Variants in TLE5 observed in about 807,000 individuals in gnomAD.
The protein encoded by TLE5 is TLE family member 5, transcriptional modulator.
Under a neutral mutation model 25.8 loss-of-function variants are expected in TLE5, and 7 were observed. The observed-to-expected ratio is 0.27, with a 90% CI of 0.15 to 0.51. TLE5 has a LOEUF of 0.51. Ranked by LOEUF, TLE5 falls within the 20% of genes least tolerant of loss-of-function variation. TLE5 has a pLI of 0.97. For missense variants in TLE5, 149 were observed against 250.7 expected, an observed-to-expected ratio of 0.59 and a Z score of 2.74; for synonymous variants, 132 against 110.5, an observed-to-expected ratio of 1.20 and a Z score of -1.22.
intron 3 of TLE5, 110 bp downstream of exon 3, chr19:3,057,569 T>G: frequency 9.3e-7 from 1 of 1,072,010 alleles, no homozygotes; most frequent in South Asian, 1.3e-5. Flanking sequence ...ATCCTCGCGC[T>G]TCCCAGGGGA....
chr19:3,056,186 C>T lies in TLE5; in HGVS notation c.234+126G>A, dbSNP rs578018835. 46 of 578,170 alleles carry T rather than the reference C, an allele frequency of 8.0e-5. No homozygotes were observed. In the Admixed American group the frequency reaches 1.3e-3, roughly 16 times the overall value. The allele number at this position is 578,170 out of a possible 1,614,324, so 35.8% of individuals were successfully genotyped here. A position where few individuals can be genotyped will look rare whatever the true frequency, so the allele number is the denominator to read the frequency against. The stretch of plus-strand genomic sequence containing the variant: ...AGGGCTTAGGAGGTAACAGGATAAC[C>T]GGGCTGGCTTGGTGCCCAGCCGAGG... On this transcript the variant is annotated intron_variant, in intron 4 of 6. Transcript: ENST00000327141.
At chr19:3,058,379 C>T (rs944162629) in intron 2 of TLE5, among the ~76,000 whole-genome samples, 1 of 152,136 alleles carries the variant, frequency 6.6e-6, no homozygotes, top group Non-Finnish European at 1.5e-5. Flanking sequence ...CAAGGTCACA[C>T]AGCCAAGCAG....
intron 6 of TLE5, 34 bp downstream of exon 6, chr19:3,054,086 T>TGGGGGGGGGGGCG: frequency 1.3e-6 from 2 of 1,512,790 alleles, no homozygotes; most frequent in Non-Finnish European, 1.8e-6. Flanking sequence ...GGCCCACCTG[T>TGGGGGGGGGGGCG]CCCCCGCCCA....
intron 1 of TLE5, 140 bp from the exon 2 acceptor site, chr19:3,061,397 G>C: frequency 1.8e-6 from 1 of 550,914 alleles, no homozygotes; most frequent in Non-Finnish European, 3.1e-6. Context: ...GGCCCCTGGC[G>C]CGACCCCACC....
chr19:3,059,359 C>T (rs922532573), intron 2 of TLE5, among the ~76,000 whole-genome samples: 2 of 151,772 alleles, frequency 1.3e-5, no homozygotes, highest in African/African-American at 2.4e-5. Flanking sequence ...CCGTCTCTAC[C>T]GAAAATACAA....
At chr19:3,060,324 C>CT (rs1475090039) in intron 2 of TLE5, among the ~76,000 whole-genome samples, 1 of 118,074 alleles carries the variant, frequency 8.5e-6, no homozygotes, top group Non-Finnish European at 1.7e-5. Context: ...TTCTTTTTTT[C>CT]TTTCTTTTTT....
At chr19:3,056,102 A>T (rs1211827355) in intron 4 of TLE5, 2 of 467,876 alleles carry the variant, frequency 4.3e-6, no homozygotes, top group Non-Finnish European at 7.4e-6. Context: ...CGGGAGAAAC[A>T]CTCCCAGGGA....
upstream of TLE5, chr19:3,062,796 A>T: frequency 6.5e-7 from 1 of 1,550,122 alleles, no homozygotes; most frequent in Non-Finnish European, 8.7e-7. Context: ...CACGACCTGG[A>T]CGCGTGCCAC....
At chr19:3,055,761 G>A in intron 4 of TLE5, 35 bp from the exon 5 acceptor site, 1 of 1,574,542 alleles carries the variant, frequency 6.4e-7, no homozygotes, top group Non-Finnish European at 8.6e-7. Context: ...TTCAGTCCTG[G>A]GCGGGTGGCA....
At chr19:3,057,356 CCACGT>C (rs978246391) in intron 3 of TLE5, 30 of 375,306 alleles carry the variant, frequency 8.0e-5, no homozygotes, top group East Asian at 1.7e-4. Flanking sequence ...GGCTGCTCCC[CCACGT>C]CAGTTCCTGG....
At chr19:3,054,086 T>TCCGGGGGGGCCCCCC in intron 6 of TLE5, 34 bp downstream of exon 6, 1 of 1,512,808 alleles carries the variant, frequency 6.6e-7, no homozygotes, top group Non-Finnish European at 8.9e-7. Context: ...GGCCCACCTG[T>TCCGGGGGGGCCCCCC]CCCCCGCCCA....
At chr19:3,059,172 T>C (rs572184736) in intron 2 of TLE5, among the ~76,000 whole-genome samples, 1 of 152,278 alleles carries the variant, frequency 6.6e-6, no homozygotes, top group East Asian at 1.9e-4. Context: ...AATTTTTCTC[T>C]AGTTTTCTTT....
chr19:3,062,001 G>T (rs1355149667), intron 1 of TLE5, among the ~76,000 whole-genome samples, 173 bp downstream of exon 1: 1 of 126,126 alleles, frequency 7.9e-6, no homozygotes, highest in African/African-American at 3.0e-5. Flanking sequence ...GAGGGGAGGG[G>T]GGTCGCGCCG....
Position 3,055,661 on chromosome 19 carries a change from T to C in TLE5, c.297+3A>G, listed in dbSNP as rs1386087318. 1.9e-6 allele frequency: 3 copies of C among 1,596,078 alleles called. No homozygotes were observed. Among genetic ancestry groups the C allele is most frequent in the South Asian group, 1.1e-5 (1 of 88,998 alleles). Reference sequence around the variant, plus strand: ...AACCCCTCCCCAAGGCCCTGGCTCTTACCTCTTGGGAGAGGTAGGGCAGGA... The same window carrying C: ...AACCCCTCCCCAAGGCCCTGGCTCTCACCTCTTGGGAGAGGTAGGGCAGGA... On this transcript the variant is annotated splice_donor_region_variant and intron_variant, in intron 5 of 6. Transcript: ENST00000327141.
At chr19:3,054,092 G>GGCCCCCCCC in intron 6 of TLE5, 28 bp downstream of exon 6, 1 of 1,274,690 alleles carries the variant, frequency 7.8e-7, no homozygotes, top group Non-Finnish European at 1.0e-6. Flanking sequence ...CCTGTCCCCC[G>GGCCCCCCCC]CCCACCCGCC....
intron 5 of TLE5, chr19:3,054,489 C>T (rs1489036685): frequency 1.9e-6 from 1 of 531,648 alleles, no homozygotes; most frequent in African/African-American, 1.9e-5. Flanking sequence ...CGGGAGAAAC[C>T]CTGGATCCTG....
chr19:3,056,064 G>C, intron 4 of TLE5: 1 of 538,898 alleles, frequency 1.9e-6, no homozygotes, highest in Non-Finnish European at 3.3e-6. Flanking sequence ...CGTAGGCTGT[G>C]GGGAAGGTCT....
At chr19:3,057,849 G>T in intron 2 of TLE5, 107 bp from the exon 3 acceptor site, 1 of 1,007,742 alleles carries the variant, frequency 9.9e-7, no homozygotes. Context: ...CCCCTGTAAG[G>T]GCAAGATCAG....
chr19:3,061,353 C>G, intron 1 of TLE5, 96 bp from the exon 2 acceptor site: 1 of 875,336 alleles, frequency 1.1e-6, no homozygotes. Flanking sequence ...TGCGGCGCCC[C>G]CCCTCCTGCC....
Sources: allele counts gnomAD v4.1 joint callset (sites outside exome capture counted in the v4.1 genomes callset), GRCh38; gene constraint gnomAD v4.1.1; transcripts MANE v1.5; gene names NCBI Gene and HGNC (gene_info 2026-07-23, HGNC 2026-07-21).